Variants in RGS6 observed in about 807,000 individuals in gnomAD.
The protein encoded by RGS6 is regulator of G-protein signaling 6.
Under a neutral mutation model 78.5 loss-of-function variants are expected in RGS6, and 30 were observed. The ratio of observed to expected loss-of-function variants is 0.38; its 90% confidence interval spans 0.29 to 0.52. RGS6 has a LOEUF of 0.52. RGS6 is among the 20% of genes least tolerant of loss of function. RGS6 has a pLI of 0.85. For missense variants in RGS6, 495 were observed against 609.7 expected (o/e 0.81, Z 1.98); for synonymous variants, 206 against 206.0 (o/e 1.00, Z 0.00).
chr14:72,058,437 A>G (rs1016432357), intron 2 of RGS6, among the ~76,000 whole-genome samples: 1 of 152,198 alleles, frequency 6.6e-6, no homozygotes, highest in Admixed American at 6.5e-5. Context: ...ATCAACATTA[A>G]AAACATTCTT....
At chr14:71,908,435 G>A in the RGS6 span, 3 of 152,228 alleles carry the variant, frequency 2.0e-5, no homozygotes, top group African/African-American at 7.2e-5. Flanking sequence ...CATGCTGTAG[G>A]TAGGATTTCC....
intron 2 of RGS6, among the ~76,000 whole-genome samples, chr14:72,311,410 T>C (rs2068577128): frequency 6.6e-6 from 1 of 152,044 alleles, no homozygotes; most frequent in Non-Finnish European, 1.5e-5. Flanking sequence ...GAGAGTAACA[T>C]AGTAAGATTG....
intron 17 of RGS6, chr14:72,547,185 G>A: frequency 6.5e-7 from 1 of 1,535,080 alleles, no homozygotes; most frequent in African/African-American, 1.4e-5. Context: ...CCTGTCCGGG[G>A]AGCAGCAGCA....
chr14:71,939,292 T>C (rs530560565), intron 1 of RGS6, among the ~76,000 whole-genome samples: 10 of 152,318 alleles, frequency 6.6e-5, no homozygotes, highest in East Asian at 5.8e-4. Context: ...AGAAATTTTA[T>C]TGGGGTAGAA....
intron 2 of RGS6, among the ~76,000 whole-genome samples, chr14:72,208,253 A>G (rs1387855846): frequency 6.6e-6 from 1 of 152,210 alleles, no homozygotes; most frequent in African/African-American, 2.4e-5. Flanking sequence ...TGGAGCTGAG[A>G]CATTGCAGAT....
chr14:72,183,805 C>T (rs1213091259), intron 2 of RGS6, among the ~76,000 whole-genome samples: 1 of 152,174 alleles, frequency 6.6e-6, no homozygotes, highest in Non-Finnish European at 1.5e-5. Flanking sequence ...CTCAGAGCTG[C>T]CTCTATGTGG....
the RGS6 span, among the ~76,000 whole-genome samples, chr14:72,625,863 C>T: frequency 5.3e-5 from 8 of 152,246 alleles, no homozygotes; most frequent in South Asian, 1.7e-3. Context: ...CTTTGAGAAA[C>T]TAGACTCTCA....
intron 2 of RGS6, among the ~76,000 whole-genome samples, chr14:72,035,891 C>T (rs984794900): frequency 2.0e-5 from 3 of 152,042 alleles, no homozygotes; most frequent in Non-Finnish European, 2.9e-5. Flanking sequence ...GTAAAATTGA[C>T]GTTGTATGTG....
At chr14:72,396,862 C>T (rs1027590612) in intron 3 of RGS6, among the ~76,000 whole-genome samples, 14 of 152,208 alleles carry the variant, frequency 9.2e-5, no homozygotes, top group South Asian at 6.2e-4. Context: ...TGTAGATGTG[C>T]GGCATTATTT....
At chr14:72,448,728 A>G (rs2095425342) in intron 3 of RGS6, among the ~76,000 whole-genome samples, 1 of 152,152 alleles carries the variant, frequency 6.6e-6, no homozygotes, top group African/African-American at 2.4e-5. Context: ...TCAGGAAAAA[A>G]ACTGAATACA....
chr14:72,035,252 T>A (rs1197559855), intron 2 of RGS6, among the ~76,000 whole-genome samples: 3 of 152,186 alleles, frequency 2.0e-5, no homozygotes. Context: ...TAGGAATTTA[T>A]TCCTTTTAGA....
chr14:72,331,333 AT>A (rs1348504812), intron 2 of RGS6, among the ~76,000 whole-genome samples: 2 of 152,104 alleles, frequency 1.3e-5, no homozygotes, highest in Non-Finnish European at 2.9e-5. Flanking sequence ...GTGGGCAGGC[AT>A]TAGGATTTTG....
the RGS6 span, among the ~76,000 whole-genome samples, chr14:71,903,616 C>T: frequency 3.6e-4 from 55 of 152,102 alleles, no homozygotes; most frequent in East Asian, 6.0e-3. Flanking sequence ...CTGAGTGGGA[C>T]GAAGAGACAG....
In RGS6 at chr14:72,426,783, G is replaced by T. The variant is rs114892878; in HGVS notation, c.185-27745G>T. Among the ~76,000 whole-genome samples, 1,332 of 152,304 alleles carry T rather than the reference G, an allele frequency of 8.7e-3. 21 individuals carry two copies. Among genetic ancestry groups the T allele is most frequent in the African/African-American group, 0.031 (1,283 of 41,560 alleles). ...TAGCAAGATTTTGAGGGCTGATCTT[G>T]TGTGACAGATTGTATTTCCAAAGAT... On this transcript the variant is annotated intron_variant, in intron 3 of 17. Coordinates refer to ENST00000553525, the MANE Select transcript of RGS6 (RefSeq NM_001204424.2).
intron 1 of RGS6, among the ~76,000 whole-genome samples, chr14:71,936,364 G>T (rs868800267): frequency 6.6e-6 from 1 of 152,012 alleles, no homozygotes; most frequent in Admixed American, 6.6e-5. Flanking sequence ...AGCTGATTAG[G>T]TTGTGCCCAC....
chr14:72,386,533 A>G (rs1486616876), intron 3 of RGS6, among the ~76,000 whole-genome samples: 2 of 152,094 alleles, frequency 1.3e-5, no homozygotes, highest in African/African-American at 2.4e-5. Flanking sequence ...GCGAGACTCC[A>G]TCTCAAAATA....
intron 2 of RGS6, among the ~76,000 whole-genome samples, chr14:72,090,084 G>A (rs2153496684): frequency 7.4e-6 from 1 of 135,216 alleles, no homozygotes. Context: ...CTGCACTCCA[G>A]CCCGGGTGAC....
At chr14:72,290,176 A>G (rs931573458) in intron 2 of RGS6, among the ~76,000 whole-genome samples, 8 of 152,352 alleles carry the variant, frequency 5.3e-5, no homozygotes, top group African/African-American at 1.7e-4. Context: ...TCTGCAGCAC[A>G]TAAAGGCCCT....
rs561078615 is a variant in RGS6 at position 72,314,909 on chromosome 14, G to A, written c.85-37186G>A. Among the ~76,000 whole-genome samples the A allele has an allele frequency of 1.3e-4, 20 of 152,256 alleles. No individual in the cohort carries two copies. The South Asian group carries it at 3.3e-3, about 25-fold the overall frequency. ...ATAAATTCTGTGCATGTGAAGTTTC[G>A]TAGAACTCACTGTAGCGCATTTAGA... On this transcript the variant is annotated intron_variant, in intron 2 of 17. Transcript: ENST00000553525.
Sources: allele counts gnomAD v4.1 joint callset (sites outside exome capture counted in the v4.1 genomes callset), GRCh38; gene constraint gnomAD v4.1.1; transcripts MANE v1.5; gene names NCBI Gene and HGNC (gene_info 2026-07-23, HGNC 2026-07-21).